SYNE1: variants seen among roughly 807,000 people sequenced by gnomAD.
SYNE1 encodes spectrin repeat containing nuclear envelope protein 1.
A neutral mutation model predicts 1,111.0 loss-of-function variants in SYNE1; 616 were observed. That is an observed-to-expected ratio of 0.55 (90% CI 0.52 to 0.59). The LOEUF is 0.59. SYNE1 is among the 20% of genes least tolerant of loss of function. The pLI, the probability that SYNE1 is intolerant of heterozygous loss-of-function variation, is 0.00. For missense variants in SYNE1, 10,006 were observed against 10,417.0 expected (o/e 0.96, Z 1.72); for synonymous variants, 3,855 against 3,825.8 (o/e 1.01, Z -0.28).
chr6:152,537,973 C>T (rs974228248), intron 4 of SYNE1, among the ~76,000 whole-genome samples: 1 of 151,992 alleles, frequency 6.6e-6, no homozygotes, highest in Non-Finnish European at 1.5e-5. Context: ...GAAAACATTC[C>T]AAAGCACAGA....
At chr6:152,543,436 T>C (rs1254060624) in intron 3 of SYNE1, among the ~76,000 whole-genome samples, 1 of 152,210 alleles carries the variant, frequency 6.6e-6, no homozygotes, top group Non-Finnish European at 1.5e-5. Flanking sequence ...TTGAAAACCT[T>C]ACTCCCAAGA....
In SYNE1 at chr6:152,381,207, A is replaced by C; in HGVS notation, c.8808T>G (p.Ser2936Arg). ...CCAAACAGCTCTGCGTTTGGAATAC[A>C]CTGTCTTCCCACTGCTTCCAGTCGG... is the stretch of plus-strand genomic sequence containing the variant. ...LRADWKQWED[S>R]VFQTQSCLEN... Residue 2936 changes from serine (S) to arginine (R), a missense_variant, in exon 56 of 146, where the codon AGT (serine) becomes AGG (arginine). This residue lies in a region of SYNE1 where 4,955 missense variants were observed against 5,017.2 expected (regional missense o/e 0.99). Transcript: ENST00000367255. The C allele has an allele frequency of 6.2e-7, 1 of 1,614,208 alleles. No homozygotes were observed. Among genetic ancestry groups the C allele is most frequent in the Non-Finnish European group, 8.5e-7 (1 of 1,180,036 alleles).
At chr6:152,470,602 T>C (rs1284255511) in intron 16 of SYNE1, among the ~76,000 whole-genome samples, 2 of 152,132 alleles carry the variant, frequency 1.3e-5, no homozygotes, top group Admixed American at 1.3e-4. Context: ...TGTATGTTGT[T>C]CACCCGTCAC....
intron 63 of SYNE1, among the ~76,000 whole-genome samples, chr6:152,363,217 G>A (rs1220796928): frequency 8.1e-5 from 12 of 147,606 alleles, no homozygotes; most frequent in Middle Eastern, 3.5e-3. Flanking sequence ...TAATCAGGCC[G>A]GGCGCGGTGA....
chr6:152,344,157 G>A lies in SYNE1; in HGVS notation c.12149C>T (p.Ala4050Val). Residue 4050 changes from alanine to valine, a missense_variant, in exon 74 of 146, where the codon GCC (alanine) becomes GTC (valine). Ala to Val is a moderately conservative substitution (Grantham distance 64). This residue lies in a region of SYNE1 where 4,955 missense variants were observed against 5,017.2 expected (regional missense o/e 0.99). Coordinates refer to ENST00000367255, the MANE Select transcript of SYNE1 (RefSeq NM_182961.4). The stretch of plus-strand genomic sequence containing the variant: ...ATCCGGCTGGACTGCAGAAAGCCAG[G>A]CCTGGCACTGCTGCAGGGTGTCTTG... ...SRQDTLQQCQAWLSAVQPDLE... is the reference protein window; with the variant it reads ...SRQDTLQQCQVWLSAVQPDLE... 1 of 1,614,208 alleles carries A rather than the reference G, an allele frequency of 6.2e-7. No individual in the cohort carries two copies.
chr6:152,618,307 C>A (rs969464391), intron 3 of SYNE1, among the ~76,000 whole-genome samples: 19 of 152,238 alleles, frequency 1.2e-4, no homozygotes, highest in African/African-American at 4.6e-4. Flanking sequence ...CAGTGTAATT[C>A]TTGGCAAGAT....
At chr6:152,532,324 T>C (rs1254295844) in intron 4 of SYNE1, among the ~76,000 whole-genome samples, 1 of 152,214 alleles carries the variant, frequency 6.6e-6, no homozygotes, top group Non-Finnish European at 1.5e-5. Context: ...CCATCATCCA[T>C]AATCACTTTT....
chr6:152,278,038 C>G, intron 98 of SYNE1, 51 bp downstream of exon 98: 2 of 1,603,000 alleles, frequency 1.2e-6, no homozygotes, highest in Non-Finnish European at 1.7e-6. Context: ...AGAAGGAGCA[C>G]GTGAACAGTG....
intron 3 of SYNE1, among the ~76,000 whole-genome samples, chr6:152,565,953 A>G (rs977845416): frequency 2.6e-5 from 4 of 152,238 alleles, no homozygotes; most frequent in Admixed American, 1.3e-4. Context: ...TGTGCAAAGC[A>G]CTGACTACAT....
intron 137 of SYNE1, chr6:152,145,435 G>C: frequency 6.5e-7 from 1 of 1,532,148 alleles, no homozygotes; most frequent in South Asian, 1.1e-5. Context: ...TAAGAGAGGA[G>C]GATTGCTATA....
At chr6:152,301,489 C>G (rs183059190) in intron 92 of SYNE1, among the ~76,000 whole-genome samples, 1 of 152,284 alleles carries the variant, frequency 6.6e-6, no homozygotes, top group Admixed American at 6.5e-5. Flanking sequence ...AGCTAGTTAG[C>G]GTGGAGACCA....
intron 84 of SYNE1, among the ~76,000 whole-genome samples, chr6:152,319,344 A>G (rs2095815492): frequency 6.6e-6 from 1 of 152,254 alleles, no homozygotes; most frequent in Non-Finnish European, 1.5e-5. Flanking sequence ...AACTAACGTA[A>G]TGACCTTGAG....
At chr6:152,363,281 T>C (rs1205077253) in intron 63 of SYNE1, among the ~76,000 whole-genome samples, 38 of 145,456 alleles carry the variant, frequency 2.6e-4, no homozygotes, top group Admixed American at 2.3e-3. Context: ...GATCACGAGG[T>C]CAGGAGATCA....
Position 152,573,436 on chromosome 6 carries a change from G to T in SYNE1, c.68-33415C>A, listed in dbSNP as rs190425551. On this transcript the variant is annotated intron_variant, in intron 3 of 145. Transcript: ENST00000367255. ...TATGAGTGAGAACATGCGGTGTTTG[G>T]TTTTTTGTCCTTGCGGTAGTTTGCT... is the stretch of plus-strand genomic sequence containing the variant. Among the ~76,000 whole-genome samples, 55 of 149,314 alleles carry T rather than the reference G, an allele frequency of 3.7e-4. 1 individual carries two copies. In the East Asian group the frequency reaches 9.8e-3, roughly 27 times the overall value.
At chr6:152,358,625 A>G in intron 65 of SYNE1, 88 bp from the exon 66 acceptor site, 3 of 1,341,966 alleles carry the variant, frequency 2.2e-6, no homozygotes, top group Non-Finnish European at 3.2e-6. Context: ...TAATTTTAGA[A>G]AAGTATAATT....
rs1366597146 is a variant in SYNE1, at chr6:152,282,048, A to AG, written c.18208-69dup. On this transcript the variant is annotated intron_variant, in intron 96 of 145. Transcript: ENST00000367255. ...AAATCTTGAGAATTTAACACAGTAAAGCAATGGTTCCAGGCCCTGGCTGTA... is the reference window on the plus strand; with the variant it reads ...AAATCTTGAGAATTTAACACAGTAAAGGCAATGGTTCCAGGCCCTGGCTGTA... 8.5e-6 allele frequency: 13 copies of AG among 1,533,616 alleles called. No homozygotes were observed. The South Asian group carries it at 1.3e-4, about 16-fold the overall frequency.
chr6:152,196,458 T>G (rs1418330123), intron 127 of SYNE1, among the ~76,000 whole-genome samples: 1 of 152,052 alleles, frequency 6.6e-6, no homozygotes, highest in Non-Finnish European at 1.5e-5. Flanking sequence ...GTTACACTGC[T>G]GACTATCCAG....
At chr6:152,225,640 A>G in intron 116 of SYNE1, 81 bp downstream of exon 116, 1 of 1,531,314 alleles carries the variant, frequency 6.5e-7, no homozygotes, top group Non-Finnish European at 9.0e-7. Context: ...TTCCTCTGCT[A>G]CTTTAGGAAA....
At chr6:152,309,686 A>T (rs2095490380) in intron 90 of SYNE1, 149 bp downstream of exon 90, 1 of 999,206 alleles carries the variant, frequency 1.0e-6, no homozygotes, top group African/African-American at 1.6e-5. Flanking sequence ...AAATGACAGC[A>T]TTTTAATCTC....
Sources: gnomAD v4.1 joint callset for allele counts (sites outside exome capture counted in the v4.1 genomes callset) on GRCh38, gnomAD v4.1.1 for gene constraint, gnomAD v4.1.1 regional missense constraint, MANE v1.5 for transcripts, NCBI Gene and HGNC (gene_info 2026-07-23, HGNC 2026-07-21) for gene names.